SLCO3A1: variants seen among roughly 807,000 people sequenced by gnomAD.
The protein encoded by SLCO3A1 is PGE1 transporter.
Under a neutral mutation model 63.1 loss-of-function variants are expected in SLCO3A1, and 27 were observed. That is an observed-to-expected ratio of 0.43 (90% CI 0.32 to 0.59). The LOEUF (loss-of-function observed/expected upper bound fraction) is 0.59, where lower values mean the gene tolerates loss of function less well. SLCO3A1 is among the 20% of genes least tolerant of loss of function. The pLI, the probability that SLCO3A1 is intolerant of heterozygous loss-of-function variation, is 0.09. For missense variants in SLCO3A1, 773 were observed against 945.8 expected, an observed-to-expected ratio of 0.82 and a Z score of 2.40; for synonymous variants, 473 against 409.9, an observed-to-expected ratio of 1.15 and a Z score of -1.86.
At position 92,128,423 on chromosome 15, in the gene SLCO3A1, C is replaced by T. The variant is rs768940254; in HGVS notation, c.1446C>T (p.Phe482=). 13 of 1,614,172 alleles carry T rather than the reference C, an allele frequency of 8.1e-6. No individual in the cohort carries two copies. The South Asian group carries it at 1.2e-4, about 15-fold the overall frequency. The change falls in exon 7 of 10, where the codon TTC becomes TTT. Residue 482 remains phenylalanine, a synonymous_variant. Transcript: ENST00000318445. ...ACTGTGAATGCCAAACCGATTCCTT[C>T]ACTCCAGTGTGTGGGGCAGATGGCA... The part of the protein sequence containing the change: ...NNNCECQTDS[F]TPVCGADGIT...
At chr15:92,085,775 A>T (rs906128720) in intron 2 of SLCO3A1, among the ~76,000 whole-genome samples, 16 of 151,592 alleles carry the variant, frequency 1.1e-4, no homozygotes, top group African/African-American at 3.9e-4. Context: ...GTCCCCAAGG[A>T]CCCTCCCTTC....
At chr15:92,055,622 T>C (rs2151501285) in intron 2 of SLCO3A1, among the ~76,000 whole-genome samples, 1 of 152,308 alleles carries the variant, frequency 6.6e-6, no homozygotes, top group Non-Finnish European at 1.5e-5. Context: ...TTCCACCTCA[T>C]ACACTCTCTG....
chr15:91,921,016 G>C (rs903640600), intron 2 of SLCO3A1, among the ~76,000 whole-genome samples: 19 of 152,216 alleles, frequency 1.2e-4, no homozygotes, highest in African/African-American at 4.6e-4. Context: ...GTGGGATATG[G>C]CGTTGTATTA....
In SLCO3A1 at chr15:91,925,938, C is replaced by T. The variant is rs75593769; in HGVS notation, c.646+9480C>T. On this transcript the variant is annotated intron_variant, in intron 2 of 9. Transcript: ENST00000318445. ...ATCTACAGCTGCCAGGTTTCTGCCT[C>T]ATCAGGCTTGAGTGCCTGTCATGTC... Among the ~76,000 whole-genome samples the T allele has an allele frequency of 3.9e-4, 59 of 152,320 alleles. No homozygotes were observed. In the East Asian group the frequency reaches 0.01, roughly 27 times the overall value.
intron 2 of SLCO3A1, among the ~76,000 whole-genome samples, chr15:92,009,740 G>A (rs988936054): frequency 1.3e-5 from 2 of 152,190 alleles, no homozygotes; most frequent in Non-Finnish European, 2.9e-5. Flanking sequence ...CTTCCTTAAT[G>A]TTAGCTACTA....
At chr15:92,036,279 T>A (rs528377450) in intron 2 of SLCO3A1, among the ~76,000 whole-genome samples, 1 of 152,322 alleles carries the variant, frequency 6.6e-6, no homozygotes, top group South Asian at 2.1e-4. Context: ...GTGTGCTGCT[T>A]TTGCCAGCCT....
intron 2 of SLCO3A1, among the ~76,000 whole-genome samples, chr15:91,996,675 T>C (rs968278627): frequency 8.5e-5 from 13 of 152,162 alleles, no homozygotes; most frequent in African/African-American, 3.1e-4. Flanking sequence ...CTGCCTAATG[T>C]GCTCAAAAAC....
intron 2 of SLCO3A1, among the ~76,000 whole-genome samples, chr15:92,046,982 T>C (rs1385306603): frequency 1.2e-5 from 1 of 83,706 alleles, no homozygotes; most frequent in African/African-American, 4.6e-5. Context: ...CCATTAAATA[T>C]ATGTATATAT....
At chr15:92,146,037 C>T (rs1418329337) in intron 7 of SLCO3A1, among the ~76,000 whole-genome samples, 1 of 152,104 alleles carries the variant, frequency 6.6e-6, no homozygotes, top group Non-Finnish European at 1.5e-5. Context: ...ATTTATTTGA[C>T]CCTCAGGAGG....
At chr15:92,168,085 C>T (rs1356575331), downstream of SLCO3A1, among the ~76,000 whole-genome samples, 1 of 152,190 alleles carries the variant, frequency 6.6e-6, no homozygotes, top group East Asian at 1.9e-4. Flanking sequence ...CCTCCAAGAA[C>T]CCCCATTTCA....
At chr15:91,961,468 CAG>C (rs1900443468) in intron 2 of SLCO3A1, among the ~76,000 whole-genome samples, 2 of 152,224 alleles carry the variant, frequency 1.3e-5, no homozygotes, top group Admixed American at 6.5e-5. Flanking sequence ...GAAAGGAAAA[CAG>C]GGCATATGTC....
At chr15:92,087,688 T>C (rs1427497707) in intron 2 of SLCO3A1, among the ~76,000 whole-genome samples, 4 of 151,700 alleles carry the variant, frequency 2.6e-5, no homozygotes, top group Non-Finnish European at 2.9e-5. Flanking sequence ...CCAGCTAATT[T>C]TGTATTTTTA....
chr15:92,120,471 C>T lies in SLCO3A1; in HGVS notation c.1016C>T (p.Pro339Leu), dbSNP rs759513524. The T allele has an allele frequency of 5.6e-6, 9 of 1,613,950 alleles. No homozygotes were observed. The highest frequency in any genetic ancestry group is 7.6e-6 in the Non-Finnish European group (9 of 1,179,912). The change falls in exon 5 of 10, where the codon CCG (proline) becomes CTG (leucine). Residue 339 changes from proline to leucine, a missense_variant. Around this residue, in one of 3 missense-constraint regions of SLCO3A1, gnomAD observed 565 missense variants for 749.8 expected, o/e 0.75. Coordinates refer to ENST00000318445, the MANE Select transcript of SLCO3A1 (RefSeq NM_013272.4). Reference protein sequence around the residue: ...ASCFQQLRVIPKVTKHLLSNP... With the variant: ...ASCFQQLRVILKVTKHLLSNP... Reference sequence around the variant, plus strand: ...GCCTTCTGTCTCCCTGCAGTGATCCCGAAGGTCACCAAGCACCTGCTCTCA... The same window carrying T: ...GCCTTCTGTCTCCCTGCAGTGATCCTGAAGGTCACCAAGCACCTGCTCTCA...
At position 91,912,503 on chromosome 15, in the gene SLCO3A1, G is replaced by A. The variant is rs1388170706; in HGVS notation, c.181-3490G>A. Among the ~76,000 whole-genome samples, 9 of 152,164 alleles carry A rather than the reference G, an allele frequency of 5.9e-5. No individual in the cohort carries two copies. Among genetic ancestry groups the A allele is most frequent in the Non-Finnish European group, 1.5e-5 (1 of 68,016 alleles). On this transcript the variant is annotated intron_variant, in intron 1 of 9. Transcript: ENST00000318445. The surrounding 1 kb of genome is among the most constrained non-coding windows in gnomAD (Gnocchi z 5.0). Reference sequence around the variant, plus strand: ...GGCGTTATCTGTCTCTAAAAGAACTGATTATTTTTTGTTTTGCCCACAGCT... The same window carrying A: ...GGCGTTATCTGTCTCTAAAAGAACTAATTATTTTTTGTTTTGCCCACAGCT...
chr15:91,903,534 A>T (rs948528431), intron 1 of SLCO3A1, among the ~76,000 whole-genome samples: 13 of 152,154 alleles, frequency 8.5e-5, no homozygotes, highest in Admixed American at 2.0e-4. Context: ...AGGGGGTCTT[A>T]TGGTGTGTAC....
rs1338898180 is a variant in SLCO3A1, at chr15:91,862,955, C to CA, written c.180+8868dup. Among the ~76,000 whole-genome samples, 4 of 152,210 alleles carry CA rather than the reference C, an allele frequency of 2.6e-5. No individual in the cohort carries two copies. Among genetic ancestry groups the CA allele is most frequent in the Admixed American group, 6.5e-5 (1 of 15,282 alleles). On this transcript the variant is annotated intron_variant, in intron 1 of 9. Coordinates refer to ENST00000318445, the MANE Select transcript of SLCO3A1 (RefSeq NM_013272.4). This position sits in a 1 kb window ranked among gnomAD's most constrained non-coding sequence, Gnocchi z 4.0. ...AATTGTTGAATTTGTCTCCCAACTT[C>CA]AGCTGATTAGAAGGAGAAATTACCA...
intron 2 of SLCO3A1, among the ~76,000 whole-genome samples, chr15:92,019,386 T>C (rs78546760): frequency 0.038 from 5,746 of 152,298 alleles, 176 homozygotes; most frequent in Non-Finnish European, 0.051. Flanking sequence ...AGGCAAAGCA[T>C]GTAGCTCTTC....
intron 2 of SLCO3A1, among the ~76,000 whole-genome samples, chr15:91,963,750 C>T (rs181210934): frequency 6.6e-6 from 1 of 152,162 alleles, no homozygotes; most frequent in East Asian, 1.9e-4. Flanking sequence ...CTTCAGGAGT[C>T]ATGCCACAGA....
chr15:92,136,313 T>A (rs1237621946), intron 7 of SLCO3A1, among the ~76,000 whole-genome samples: 1 of 152,178 alleles, frequency 6.6e-6, no homozygotes, highest in Non-Finnish European at 1.5e-5. Context: ...TTAATAGGGA[T>A]CGATCATCAG....
Sources: allele counts gnomAD v4.1 joint callset (sites outside exome capture counted in the v4.1 genomes callset), GRCh38; gene constraint gnomAD v4.1.1; regional missense constraint gnomAD v4.1.1; non-coding constraint Gnocchi (gnomAD v3.1); transcripts MANE v1.5; gene names NCBI Gene and HGNC (gene_info 2026-07-23, HGNC 2026-07-21).